FMNL2: variants seen among roughly 807,000 people sequenced by gnomAD.
FMNL2 encodes the protein formin like 2, also known as formin-like protein 2.
Under a neutral mutation model 130.2 loss-of-function variants are expected in FMNL2, and 51 were observed. The ratio of observed to expected loss-of-function variants is 0.39; its 90% CI spans 0.31 to 0.49. The LOEUF (loss-of-function observed/expected upper bound fraction) is 0.49. FMNL2 is among the 20% of genes least tolerant of loss of function. The pLI, the probability that FMNL2 is intolerant of heterozygous loss-of-function variation, is 0.85. For synonymous variants in FMNL2, 465 were observed against 467.1 expected (o/e 1.00, Z 0.06); for missense variants, 977 against 1,316.2 (o/e 0.74, Z 3.99).
intron 1 of FMNL2, among the ~76,000 whole-genome samples, chr2:152,467,952 T>C (rs1268145132): frequency 6.6e-6 from 1 of 152,222 alleles, no homozygotes; most frequent in African/African-American, 2.4e-5. Context: ...AGCATGGAGT[T>C]GTTAAGCTAC....
chr2:152,585,739 C>T (rs978803775), intron 9 of FMNL2, among the ~76,000 whole-genome samples: 2 of 152,176 alleles, frequency 1.3e-5, no homozygotes, highest in Non-Finnish European at 2.9e-5. Flanking sequence ...TTAAGGACCT[C>T]AACCAGTCCC....
intron 1 of FMNL2, among the ~76,000 whole-genome samples, chr2:152,494,427 T>C (rs1180654213): frequency 6.6e-6 from 1 of 152,186 alleles, no homozygotes; most frequent in African/African-American, 2.4e-5. Flanking sequence ...GCAAAATTAG[T>C]AGGGAAACTA....
chr2:152,337,239 C>T (rs1431489703), intron 1 of FMNL2, among the ~76,000 whole-genome samples: 3 of 152,302 alleles, frequency 2.0e-5, no homozygotes, highest in African/African-American at 7.2e-5. Context: ...ACTCTCAAGG[C>T]GGCCTGGGTG....
At chr2:152,549,167 CA>C (rs760843148) in intron 4 of FMNL2, 70 bp downstream of exon 4, 37 of 1,121,606 alleles carry the variant, frequency 3.3e-5, no homozygotes, top group East Asian at 1.7e-4. Context: ...GAATCATACC[CA>C]AAGAATTGAG....
chr2:152,520,641 G>T (rs1419963059), intron 1 of FMNL2, among the ~76,000 whole-genome samples: 1 of 151,516 alleles, frequency 6.6e-6, no homozygotes, highest in Non-Finnish European at 1.5e-5. Flanking sequence ...ACAGGTTATT[G>T]TAAAATCTGA....
At chr2:152,479,903 A>G (rs984291675) in intron 1 of FMNL2, among the ~76,000 whole-genome samples, 6 of 151,202 alleles carry the variant, frequency 4.0e-5, no homozygotes, top group Non-Finnish European at 7.4e-5. Flanking sequence ...TTTGGTAGAG[A>G]TGGGGTTTTT....
intron 1 of FMNL2, among the ~76,000 whole-genome samples, chr2:152,504,555 T>C (rs1248271793): frequency 6.6e-6 from 1 of 152,212 alleles, no homozygotes; most frequent in Non-Finnish European, 1.5e-5. Flanking sequence ...GCAGGGAGGC[T>C]TCTTAAAAAC....
chr2:152,448,024 G>A (rs762899858), intron 1 of FMNL2, among the ~76,000 whole-genome samples: 7 of 151,956 alleles, frequency 4.6e-5, no homozygotes, highest in Non-Finnish European at 7.4e-5. Context: ...TCCAAAGGTG[G>A]CATCTTCATT....
chr2:152,493,282 G>C (rs775706042), intron 1 of FMNL2, among the ~76,000 whole-genome samples: 67 of 152,152 alleles, frequency 4.4e-4, no homozygotes, highest in Non-Finnish European at 7.4e-4. Flanking sequence ...GCATTTGATA[G>C]GTAGGCTTCC....
chr2:152,546,952 T>C, intron 3 of FMNL2, among the ~76,000 whole-genome samples: 1 of 151,226 alleles, frequency 6.6e-6, no homozygotes, highest in Non-Finnish European at 1.5e-5. Context: ...CATTCTTTTT[T>C]TTTTTTTTTT....
At chr2:152,592,850 A>G (rs1440767861) in intron 9 of FMNL2, among the ~76,000 whole-genome samples, 1 of 152,184 alleles carries the variant, frequency 6.6e-6, no homozygotes, top group African/African-American at 2.4e-5. Flanking sequence ...GGCACTTTCC[A>G]CACATGTTCG....
At chr2:152,624,394 G>T (rs994103354) in intron 15 of FMNL2, among the ~76,000 whole-genome samples, 4 of 151,804 alleles carry the variant, frequency 2.6e-5, no homozygotes, top group African/African-American at 9.7e-5. Flanking sequence ...CTGACCTCAG[G>T]TGATCCACCT....
chr2:152,518,371 A>G (rs1339590199), intron 1 of FMNL2, among the ~76,000 whole-genome samples: 1 of 152,126 alleles, frequency 6.6e-6, no homozygotes, highest in East Asian at 1.9e-4. Context: ...TTTAGTTTGG[A>G]TGTATTGATG....
At chr2:152,472,980 T>C (rs1157608681) in intron 1 of FMNL2, among the ~76,000 whole-genome samples, 10 of 152,226 alleles carry the variant, frequency 6.6e-5, no homozygotes, top group African/African-American at 1.9e-4. Context: ...CCCTGAAATA[T>C]AGGTTCCTTT....
chr2:152,600,332 A>T (rs1048415708), intron 9 of FMNL2, among the ~76,000 whole-genome samples: 1 of 152,196 alleles, frequency 6.6e-6, no homozygotes, highest in Non-Finnish European at 1.5e-5. Flanking sequence ...ACTTAAGCAA[A>T]GGGCCTTTAA....
intron 1 of FMNL2, chr2:152,390,385 A>C (rs763331630): frequency 6.5e-6 from 7 of 1,075,806 alleles, no homozygotes; most frequent in Non-Finnish European, 1.0e-5. Flanking sequence ...GAGAAGATCA[A>C]TAAGATGGAG....
intron 1 of FMNL2, among the ~76,000 whole-genome samples, chr2:152,498,850 T>G (rs1430436682): frequency 6.6e-6 from 1 of 152,200 alleles, no homozygotes; most frequent in Admixed American, 6.5e-5. Flanking sequence ...TCACCATTCA[T>G]GTGCATTATT....
chr2:152,578,781 T>C, intron 7 of FMNL2, 107 bp from the exon 8 acceptor site: 1 of 762,190 alleles, frequency 1.3e-6, no homozygotes, highest in South Asian at 1.8e-5. Flanking sequence ...ATGGTGTAAG[T>C]TTCATTAGGT....
At position 152,632,059 on chromosome 2, in the gene FMNL2, T is replaced by C. The variant is rs1182655130; in HGVS notation, c.2602T>C (p.Ser868Pro). 6.2e-7 allele frequency: 1 copy of C among 1,613,296 alleles called. No homozygotes were observed. The highest frequency in any genetic ancestry group is 8.5e-7 in the Non-Finnish European group (1 of 1,179,620). The change falls in exon 21 of 26, where the codon TCC (serine) becomes CCC (proline). Residue 868 changes from serine to proline, a missense_variant. This residue lies in a region of FMNL2 where 689 missense variants were observed against 995.9 expected (regional missense o/e 0.69). Transcript: ENST00000288670. ...AAAGCAAACACTGTTGCACTATATA[T>C]CCAATGTGGTGAAAGAAAAATATCA... The part of the protein sequence containing the change: ...DRKQTLLHYI[S>P]NVVKEKYHQV...
Sources: allele counts gnomAD v4.1 joint callset (sites outside exome capture counted in the v4.1 genomes callset), GRCh38; gene constraint gnomAD v4.1.1; regional missense constraint gnomAD v4.1.1; transcripts MANE v1.5; gene names NCBI Gene and HGNC (gene_info 2026-07-23, HGNC 2026-07-21).